Variants in DUSP5 observed in about 807,000 individuals in gnomAD.
DUSP5 encodes dual specificity phosphatase 5, also known as dual specificity protein phosphatase 5.
In DUSP5, 22 loss-of-function variants were observed where a neutral mutation model predicts 33.6. The observed-to-expected ratio is 0.66, with a 90% confidence interval of 0.47 to 0.94. The LOEUF (loss-of-function observed/expected upper bound fraction) is 0.94, where lower values mean the gene tolerates loss of function less well. Ranked by LOEUF, DUSP5 falls within the 40% of genes least tolerant of loss-of-function variation. DUSP5 has a pLI of 0.00. For synonymous variants in DUSP5, 270 were observed against 231.1 expected (o/e 1.17, Z -1.53); for missense variants, 551 against 522.1 (o/e 1.06, Z -0.54).
At chr10:110,501,276 C>G (rs1860044239) in intron 1 of DUSP5, among the ~76,000 whole-genome samples, 1 of 152,220 alleles carries the variant, frequency 6.6e-6, no homozygotes, top group Admixed American at 6.5e-5. Context: ...ATAGCACCAT[C>G]TTGCACCTCT....
Position 110,498,139 on chromosome 10 carries a change from C to T in DUSP5, c.18C>T (p.Leu6=), listed in dbSNP as rs1471605015. Residue 6 remains leucine, a synonymous_variant, in exon 1 of 4, where the codon CTC becomes CTT. Coordinates refer to ENST00000369583, the MANE Select transcript of DUSP5 (RefSeq NM_004419.4). The part of the protein sequence containing the change: MKVTS[L]DGRQLRKMLR... ...GCGGCGGCATGAAGGTCACGTCGCT[C>T]GACGGGCGCCAGCTGCGCAAGATGC... 2 of 1,445,250 alleles carry T rather than the reference C, an allele frequency of 1.4e-6. No homozygotes were observed. The highest frequency in any genetic ancestry group is 9.1e-7 in the Non-Finnish European group (1 of 1,093,206). 89.5% of individuals were successfully genotyped at this position (1,445,250 alleles called of 1,614,324 possible). A position where few individuals can be genotyped will look rare whatever the true frequency, so the allele number is the denominator to read the frequency against.
intron 2 of DUSP5, among the ~76,000 whole-genome samples, chr10:110,506,372 C>T (rs1860119123): frequency 1.3e-5 from 2 of 152,126 alleles, no homozygotes; most frequent in Non-Finnish European, 2.9e-5. Context: ...TTCAAGATTA[C>T]AGTGAGCTAT....
chr10:110,508,534 C>T (rs1161592997), intron 3 of DUSP5, among the ~76,000 whole-genome samples: 1 of 152,174 alleles, frequency 6.6e-6, no homozygotes, highest in Non-Finnish European at 1.5e-5. Context: ...GACTGGGTCT[C>T]CCCAGTGAGC....
chr10:110,499,632 TC>T (rs1207797799), intron 1 of DUSP5, among the ~76,000 whole-genome samples: 1 of 152,206 alleles, frequency 6.6e-6, no homozygotes, highest in Non-Finnish European at 1.5e-5. Context: ...AGTTCCCCTC[TC>T]TGCTAGCACC....
chr10:110,510,187 T>C lies in DUSP5; in HGVS notation c.916T>C (p.Phe306Leu). The change falls in exon 4 of 4, where the codon TTC becomes CTC. Residue 306 changes from phenylalanine to leucine, a missense_variant. Phe to Leu is a conservative substitution (Grantham distance 22). This residue lies in a region of DUSP5 where 158 missense variants were observed against 181.8 expected (regional missense o/e 0.87). Coordinates refer to ENST00000369583, the MANE Select transcript of DUSP5 (RefSeq NM_004419.4). ...RRSMVSPNFG[F>L]MGQLLQYESE... ...GAGCATGGTCTCGCCCAACTTTGGC[T>C]TCATGGGCCAGCTCCTGCAGTACGA... is the stretch of plus-strand genomic sequence containing the variant. 3 of 1,614,208 alleles carry C rather than the reference T, an allele frequency of 1.9e-6. No individual in the cohort carries two copies. The highest frequency in any genetic ancestry group is 2.5e-6 in the Non-Finnish European group (3 of 1,180,026).
intron 3 of DUSP5, among the ~76,000 whole-genome samples, chr10:110,507,930 A>G (rs924992542): frequency 6.6e-6 from 1 of 152,206 alleles, no homozygotes; most frequent in Non-Finnish European, 1.5e-5. Context: ...ATTTGCAAGT[A>G]CCAGTCTCTA....
Position 110,510,724 on chromosome 10 carries a change from T to A in DUSP5, c.*298T>A, listed in dbSNP as rs1860181667. 1 of 316,498 alleles carries A rather than the reference T, an allele frequency of 3.2e-6. No individual in the cohort carries two copies. The highest frequency in any genetic ancestry group is 5.8e-6 in the Non-Finnish European group (1 of 173,524). 19.6% of individuals were successfully genotyped at this position (316,498 alleles called of 1,614,324 possible). A position where few individuals can be genotyped will look rare whatever the true frequency, so the allele number is the denominator to read the frequency against. ...TGCACCTCAGAGTTCGCCTTTTCAT[T>A]TCAAGCATAAGGCAATAAATACCTG... is the stretch of plus-strand genomic sequence containing the variant. On this transcript the variant is annotated 3_prime_UTR_variant, in exon 4 of 4. Coordinates refer to ENST00000369583, the MANE Select transcript of DUSP5 (RefSeq NM_004419.4).
chr10:110,498,377 G>A lies in DUSP5; in HGVS notation c.256G>A (p.Val86Met), dbSNP rs756046182. 7.0e-7 allele frequency: 1 copy of A among 1,438,150 alleles called. No homozygotes were observed. The highest frequency in any genetic ancestry group is 9.1e-7 in the Non-Finnish European group (1 of 1,095,990). The allele number at this position is 1,438,150 out of a possible 1,614,324, so 89.1% of individuals were successfully genotyped here. A position where few individuals can be genotyped will look rare whatever the true frequency, so the allele number is the denominator to read the frequency against. The change falls in exon 1 of 4, where the codon GTG (valine) becomes ATG (methionine). Residue 86 changes from valine (V) to methionine (M), a missense_variant. Val to Met is a conservative substitution (Grantham distance 21, BLOSUM62 1). Around this residue, in one of 3 missense-constraint regions of DUSP5, gnomAD observed 381 missense variants for 310.4 expected, o/e 1.23. Coordinates refer to ENST00000369583, the MANE Select transcript of DUSP5 (RefSeq NM_004419.4). Reference protein sequence around the residue: ...LQEGGGGVAAVVVLDQGSRHW... With the variant: ...LQEGGGGVAAMVVLDQGSRHW... The stretch of plus-strand genomic sequence containing the variant: ...GGAGGGCGGCGGCGGCGTCGCGGCC[G>A]TGGTGGTGCTGGACCAGGGCAGCCG...
At chr10:110,499,815 T>A (rs1860020722) in intron 1 of DUSP5, among the ~76,000 whole-genome samples, 1 of 152,162 alleles carries the variant, frequency 6.6e-6, no homozygotes, top group Non-Finnish European at 1.5e-5. Flanking sequence ...GGTTTTTATC[T>A]CCTGTGGTTT....
intron 1 of DUSP5, among the ~76,000 whole-genome samples, chr10:110,501,947 G>A (rs535697838): frequency 6.9e-5 from 10 of 145,532 alleles, no homozygotes; most frequent in African/African-American, 2.3e-4. Flanking sequence ...CACACATGCC[G>A]TAAGTTGACT....
At chr10:110,502,946 C>T (rs1860074106) in intron 2 of DUSP5, 77 bp downstream of exon 2, 13 of 1,565,132 alleles carry the variant, frequency 8.3e-6, no homozygotes, top group Non-Finnish European at 7.8e-6. Flanking sequence ...CAGCACCTGA[C>T]TGTTCTCTCC....
chr10:110,504,522 T>C (rs1176629230), intron 2 of DUSP5, among the ~76,000 whole-genome samples: 1 of 152,200 alleles, frequency 6.6e-6, no homozygotes, highest in East Asian at 1.9e-4. Context: ...GAGTCAACCA[T>C]CCAGCCTGCT....
At chr10:110,504,925 C>T (rs754706531) in intron 2 of DUSP5, among the ~76,000 whole-genome samples, 1 of 152,190 alleles carries the variant, frequency 6.6e-6, no homozygotes, top group Non-Finnish European at 1.5e-5. Flanking sequence ...AGAAGCTATC[C>T]AAGATCACAT....
chr10:110,498,374 G>A lies in DUSP5; in HGVS notation c.253G>A (p.Ala85Thr). ...GCAGGAGGGCGGCGGCGGCGTCGCGGCCGTGGTGGTGCTGGACCAGGGCAG... is the reference window on the plus strand; with the variant it reads ...GCAGGAGGGCGGCGGCGGCGTCGCGACCGTGGTGGTGCTGGACCAGGGCAG... ...LLQEGGGGVA[A>T]VVVLDQGSRH... Residue 85 changes from alanine to threonine, a missense_variant, in exon 1 of 4, where the codon GCC (alanine) becomes ACC (threonine). This residue lies in a region of DUSP5 where 381 missense variants were observed against 310.4 expected (regional missense o/e 1.23). Transcript: ENST00000369583. 2 of 1,430,374 alleles carry A rather than the reference G, an allele frequency of 1.4e-6. No individual in the cohort carries two copies. The highest frequency in any genetic ancestry group is 1.4e-5 in the South Asian group (1 of 70,600). The allele number at this position is 1,430,374 out of a possible 1,614,324, so 88.6% of individuals were successfully genotyped here. A position where few individuals can be genotyped will look rare whatever the true frequency, so the allele number is the denominator to read the frequency against.
At position 110,510,241 on chromosome 10, in the gene DUSP5, C is replaced by T. The variant is rs202234029; in HGVS notation, c.970C>T (p.Pro324Ser). The change falls in exon 4 of 4, where the codon CCC becomes TCC. Residue 324 changes from proline to serine, a missense_variant. By Grantham distance (74) the Pro-to-Ser change is moderately conservative. This residue lies in a region of DUSP5 where 158 missense variants were observed against 181.8 expected (regional missense o/e 0.87). Coordinates refer to ENST00000369583, the MANE Select transcript of DUSP5 (RefSeq NM_004419.4). ...TGAGATCCTGCCCTCCACGCCCAAC[C>T]CCCAGCCTCCCTCCTGCCAAGGGGA... Reference protein sequence around the residue: ...ESEILPSTPNPQPPSCQGEAA... With the variant: ...ESEILPSTPNSQPPSCQGEAA... 29 of 1,614,186 alleles carry T rather than the reference C, an allele frequency of 1.8e-5. No individual in the cohort carries two copies. In the East Asian group the frequency reaches 5.8e-4, roughly 32 times the overall value.
At chr10:110,509,261 A>G (rs1234400489) in intron 3 of DUSP5, among the ~76,000 whole-genome samples, 1 of 152,238 alleles carries the variant, frequency 6.6e-6, no homozygotes, top group Non-Finnish European at 1.5e-5. Flanking sequence ...ATATTGAGCT[A>G]AAGAATGCTA....
intron 1 of DUSP5, among the ~76,000 whole-genome samples, chr10:110,499,016 C>A (rs1860002883): frequency 6.6e-6 from 1 of 152,186 alleles, no homozygotes; most frequent in African/African-American, 2.4e-5. Context: ...CTTTCCATTT[C>A]ATTTTATTGC....
At chr10:110,498,648 C>A in intron 1 of DUSP5, 148 bp downstream of exon 1, 1 of 1,243,846 alleles carries the variant, frequency 8.0e-7, no homozygotes, top group Non-Finnish European at 1.0e-6. Flanking sequence ...CTTGGGAGGG[C>A]ACTGCAAATG....
rs1860127000 is a variant in DUSP5 at position 110,507,032 on chromosome 10, T to C, written c.626T>C (p.Leu209Pro). The C allele has an allele frequency of 6.2e-7, 1 of 1,614,264 alleles. No individual in the cohort carries two copies. Among genetic ancestry groups the C allele is most frequent in the South Asian group, 1.1e-5 (1 of 91,090 alleles). ...GCCAACCTGCACATCACAGCCCTGC[T>C]GAATGTCTCCCGACGGACCTCCGAG... The part of the protein sequence containing the change: ...FLANLHITAL[L>P]NVSRRTSEAC... The change falls in exon 3 of 4, where the codon CTG becomes CCG. Residue 209 changes from leucine to proline, a missense_variant. Coordinates refer to ENST00000369583, the MANE Select transcript of DUSP5 (RefSeq NM_004419.4).
Sources: allele counts gnomAD v4.1 joint callset (sites outside exome capture counted in the v4.1 genomes callset), GRCh38; gene constraint gnomAD v4.1.1; regional missense constraint gnomAD v4.1.1; transcripts MANE v1.5; gene names NCBI Gene and HGNC (gene_info 2026-07-23, HGNC 2026-07-21).